Variants in DIXDC1 observed in about 807,000 individuals in gnomAD.
DIXDC1 encodes dixin.
DIXDC1 carries 64 observed loss-of-function variants against 103.1 expected under a neutral mutation model. That is an observed-to-expected ratio of 0.62 (90% CI 0.51 to 0.76). DIXDC1 has a LOEUF of 0.76. DIXDC1 is among the 30% of genes least tolerant of loss of function. DIXDC1 has a pLI of 0.00. For synonymous variants in DIXDC1, 266 were observed against 298.5 expected (o/e 0.89, Z 1.12); for missense variants, 759 against 834.2 (o/e 0.91, Z 1.11).
At chr11:111,999,758 G>C (rs1454608923) in intron 17 of DIXDC1, among the ~76,000 whole-genome samples, 6 of 151,954 alleles carry the variant, frequency 3.9e-5, no homozygotes, top group Non-Finnish European at 5.9e-5. Context: ...CCAGCTACTT[G>C]GGAGGCTGAG....
chr11:112,021,183 G>C lies in DIXDC1; in HGVS notation c.*2147G>C, dbSNP rs1861748021. 1.3e-5 allele frequency: 2 copies of C among 152,202 alleles called. No homozygotes were observed. The highest frequency in any genetic ancestry group is 4.1e-4 in the South Asian group (2 of 4,832). The allele number at this position is 152,202 out of a possible 1,614,324, so 9.4% of individuals were successfully genotyped here. ...TCTACCTTATTTGGCTTTTATCTGT[G>C]TCTTTTGGAAAAGGAGCTGCATGGC... On this transcript the variant is annotated 3_prime_UTR_variant, in exon 20 of 20. Coordinates refer to ENST00000440460, the MANE Select transcript of DIXDC1 (RefSeq NM_001037954.4).
intron 1 of DIXDC1, among the ~76,000 whole-genome samples, chr11:111,949,722 C>T (rs1234576787): frequency 6.6e-6 from 1 of 152,204 alleles, no homozygotes; most frequent in African/African-American, 2.4e-5. Flanking sequence ...GCTCCGCCCA[C>T]ACGCTACCCC....
intron 1 of DIXDC1, chr11:111,946,792 T>C: frequency 2.1e-6 from 1 of 487,230 alleles, no homozygotes; most frequent in South Asian, 1.5e-5. Flanking sequence ...CTTCTTGGTA[T>C]GAAGGTAAAC....
chr11:111,950,736 G>A (rs1421827360), intron 1 of DIXDC1, among the ~76,000 whole-genome samples: 3 of 151,980 alleles, frequency 2.0e-5, no homozygotes, highest in East Asian at 1.9e-4. Context: ...GATCATAGGC[G>A]TGAGCCACTG....
At chr11:111,972,600 C>T (rs746185141) in intron 3 of DIXDC1, among the ~76,000 whole-genome samples, 23 of 152,188 alleles carry the variant, frequency 1.5e-4, no homozygotes, top group Admixed American at 6.5e-5. Context: ...CCTGTGTGAT[C>T]CACCCTCTGA....
chr11:111,949,542 G>C (rs1306158269), intron 1 of DIXDC1, among the ~76,000 whole-genome samples: 3 of 152,054 alleles, frequency 2.0e-5, no homozygotes, highest in South Asian at 2.1e-4. Flanking sequence ...TTATTGCCTG[G>C]GCTCCTCGTT....
chr11:111,952,149 A>T (rs1966833906), intron 1 of DIXDC1, among the ~76,000 whole-genome samples: 1 of 152,176 alleles, frequency 6.6e-6, no homozygotes, highest in African/African-American at 2.4e-5. Context: ...TATAGGCATG[A>T]GCCACCATGC....
chr11:111,937,141 G>GGGGGT (rs1966225858), upstream of DIXDC1: 25 of 751,922 alleles, frequency 3.3e-5, no homozygotes, highest in East Asian at 1.3e-4. Flanking sequence ...CGGGGGGGGG[G>GGGGGT]TGTGCGCGTG....
chr11:111,980,725 C>G lies in DIXDC1; in HGVS notation c.657-12C>G, dbSNP rs1860268825. ...ATAATAATCGTTTTTCTTCCTTTTT[C>G]TTCAATCACAGCCTGACTTCACCCA... is the stretch of plus-strand genomic sequence containing the variant. On this transcript the variant is annotated splice_polypyrimidine_tract_variant and intron_variant, in intron 5 of 19. Transcript: ENST00000440460. 1 of 1,603,482 alleles carries G rather than the reference C, an allele frequency of 6.2e-7. No homozygotes were observed. The highest frequency in any genetic ancestry group is 1.1e-5 in the South Asian group (1 of 89,652).
Position 112,016,730 on chromosome 11 carries a change from C to G in DIXDC1, c.1796C>G (p.Thr599Ser). Residue 599 changes from threonine to serine, a missense_variant, in exon 18 of 20, where the codon ACC (threonine) becomes AGC (serine). Coordinates refer to ENST00000440460, the MANE Select transcript of DIXDC1 (RefSeq NM_001037954.4). ...CAGAGCTCTCCAACTGTCAGCAGCA[C>G]CTGTACTAAAGTGCTCTATTTCACT... is the stretch of plus-strand genomic sequence containing the variant. The part of the protein sequence containing the change: ...HSQSSPTVSS[T>S]CTKVLYFTDR... The G allele has an allele frequency of 6.2e-7, 1 of 1,608,634 alleles. No homozygotes were observed. Among genetic ancestry groups the G allele is most frequent in the Non-Finnish European group, 8.5e-7 (1 of 1,177,254 alleles).
intron 5 of DIXDC1, among the ~76,000 whole-genome samples, chr11:111,978,595 A>G (rs1182299151): frequency 1.3e-5 from 2 of 151,962 alleles, no homozygotes; most frequent in Non-Finnish European, 2.9e-5. Context: ...CTGCCCTTAT[A>G]TGGGAGATAA....
chr11:111,983,581 G>A (rs1860394971), intron 7 of DIXDC1, among the ~76,000 whole-genome samples: 1 of 152,134 alleles, frequency 6.6e-6, no homozygotes, highest in African/African-American at 2.4e-5. Context: ...ACTTGCATAG[G>A]AAGTATGTCA....
chr11:111,999,968 T>C (rs1479367529), intron 17 of DIXDC1, among the ~76,000 whole-genome samples: 1 of 152,070 alleles, frequency 6.6e-6, no homozygotes, highest in Non-Finnish European at 1.5e-5. Context: ...AAACCCTGTC[T>C]CTACTAAAAA....
chr11:112,014,372 T>C (rs1555177499), intron 17 of DIXDC1, among the ~76,000 whole-genome samples: 2 of 152,242 alleles, frequency 1.3e-5, no homozygotes, highest in Non-Finnish European at 2.9e-5. Flanking sequence ...AACTTCCCAA[T>C]GTATTCATTA....
chr11:112,019,184 G>A lies in DIXDC1; in HGVS notation c.*148G>A, dbSNP rs1861683702. The A allele has an allele frequency of 5.0e-6, 3 of 596,858 alleles. No individual in the cohort carries two copies. Among genetic ancestry groups the A allele is most frequent in the Admixed American group, 3.0e-5 (1 of 33,256 alleles). 37.0% of individuals were successfully genotyped at this position (596,858 alleles called of 1,614,324 possible). Reference sequence around the variant, plus strand: ...CTCCAAGCATGATGGCCACAGGTCAGTCCTCTTTCTGTGCCTGGCATATCT... The same window carrying A: ...CTCCAAGCATGATGGCCACAGGTCAATCCTCTTTCTGTGCCTGGCATATCT... On this transcript the variant is annotated 3_prime_UTR_variant, in exon 20 of 20. Coordinates refer to ENST00000440460, the MANE Select transcript of DIXDC1 (RefSeq NM_001037954.4).
chr11:112,009,184 C>G (rs1005597502), intron 17 of DIXDC1, among the ~76,000 whole-genome samples: 8 of 152,058 alleles, frequency 5.3e-5, no homozygotes, highest in African/African-American at 1.9e-4. Context: ...AACACCTCTA[C>G]GCAAATAAAC....
At chr11:112,006,006 C>T (rs890134706) in intron 17 of DIXDC1, among the ~76,000 whole-genome samples, 2 of 152,184 alleles carry the variant, frequency 1.3e-5, no homozygotes, top group African/African-American at 4.8e-5. Context: ...AAGCGCAAGG[C>T]GTTGGGAGAT....
At position 112,009,732 on chromosome 11, in the gene DIXDC1, A is replaced by G. The variant is rs1038495087; in HGVS notation, c.1757-6959A>G. The stretch of plus-strand genomic sequence containing the variant: ...ACCACATGATTATCTCAATAGATGC[A>G]GAAAAGGCCTTCAACAAAATTCAAC... On this transcript the variant is annotated intron_variant, in intron 17 of 19. Coordinates refer to ENST00000440460, the MANE Select transcript of DIXDC1 (RefSeq NM_001037954.4). Among the ~76,000 whole-genome samples the G allele has an allele frequency of 8.5e-5, 13 of 152,382 alleles. No homozygotes were observed. In the Middle Eastern group the frequency reaches 0.01, roughly 120 times the overall value.
rs1381449943 is a variant in DIXDC1 at position 111,976,536 on chromosome 11, T to C, written c.656+1553T>C. Among the ~76,000 whole-genome samples the C allele has an allele frequency of 1.3e-5, 2 of 152,174 alleles. No homozygotes were observed. Among genetic ancestry groups the C allele is most frequent in the African/African-American group, 2.4e-5 (1 of 41,432 alleles). ...GGGTTAGTAGCTGCCTTTTCCTCAGTGAGTCCCTGGGGAAGGAGAGGGCTT... is the reference window on the plus strand; with the variant it reads ...GGGTTAGTAGCTGCCTTTTCCTCAGCGAGTCCCTGGGGAAGGAGAGGGCTT... On this transcript the variant is annotated intron_variant, in intron 5 of 19. Transcript: ENST00000440460. The surrounding 1 kb of genome is among the most constrained non-coding windows in gnomAD (Gnocchi z 4.3).
Sources: gnomAD v4.1 joint callset for allele counts (sites outside exome capture counted in the v4.1 genomes callset) on GRCh38, gnomAD v4.1.1 for gene constraint, Gnocchi (gnomAD v3.1) non-coding constraint, MANE v1.5 for transcripts, NCBI Gene and HGNC (gene_info 2026-07-23, HGNC 2026-07-21) for gene names.